LARGE1: variants seen among roughly 807,000 people sequenced by gnomAD.
The protein encoded by LARGE1 is LARGE xylosyl- and glucuronyltransferase 1, also known as xylosyl- and glucuronyltransferase LARGE1.
In LARGE1, 43 loss-of-function variants were observed where a neutral mutation model predicts 87.6. The observed-to-expected ratio is 0.49, with a 90% CI of 0.38 to 0.63. The LOEUF (loss-of-function observed/expected upper bound fraction) is 0.63, where lower values mean the gene tolerates loss of function less well. Ranked by LOEUF, LARGE1 falls within the 30% of genes least tolerant of loss-of-function variation. The probability of loss-of-function intolerance (pLI) is 0.00; values close to 1 mark genes in which losing one functional copy is unlikely to be tolerated. For synonymous variants in LARGE1, 434 were observed against 394.6 expected (o/e 1.10, Z -1.18); for missense variants, 802 against 1,000.2 (o/e 0.80, Z 2.67).
intron 5 of LARGE1, among the ~76,000 whole-genome samples, chr22:33,592,304 TTTATTA>T (rs910800361): frequency 6.6e-6 from 1 of 152,052 alleles, no homozygotes; most frequent in Non-Finnish European, 1.5e-5. Context: ...AATAGTTCAT[TTTATTA>T]TTATTATTAT....
At chr22:33,389,940 T>C (rs2065458415) in intron 7 of LARGE1, among the ~76,000 whole-genome samples, 1 of 152,160 alleles carries the variant, frequency 6.6e-6, no homozygotes, top group South Asian at 2.1e-4. Context: ...TCCTGCCATT[T>C]CACAAGATCA....
rs578115819 is a variant in LARGE1 at position 33,187,921 on chromosome 22, CAAAAAAAAAAAAAAAAAAAA to C, written c.1731-21109_1731-21090del. On this transcript the variant is annotated intron_variant, in intron 11 of 11. Coordinates refer to the LARGE1 transcript ENST00000608642. ...TGGGCAACAGAGTGAGACTCCGTCTCAAAAAAAAAAAAAAAAAAAAAAAAAAAAAAAAAAAAAAATCACTA... is the reference window on the plus strand; with the variant it reads ...TGGGCAACAGAGTGAGACTCCGTCTCAAAAAAAAAAAAAAAAAAATCACTA... 4.3e-4 allele frequency among the ~76,000 whole-genome samples: 16 copies of C among 36,902 alleles called. No individual in the cohort carries two copies. The East Asian group carries it at 7.8e-3, about 18-fold the overall frequency. The allele number at this position is 36,902 out of a possible 152,430, so 24.2% of individuals were successfully genotyped here.
At chr22:33,787,873 C>T (rs2085700501) in intron 1 of LARGE1, among the ~76,000 whole-genome samples, 1 of 152,114 alleles carries the variant, frequency 6.6e-6, no homozygotes, top group Non-Finnish European at 1.5e-5. Context: ...CCTGTGGTTC[C>T]CTGCTATTTA....
rs1442282926 is a variant in LARGE1, at chr22:33,787,063, A to T, written c.-82-25505T>A. Among the ~76,000 whole-genome samples the T allele has an allele frequency of 2.6e-5, 4 of 151,988 alleles. No homozygotes were observed. In the East Asian group the frequency reaches 7.7e-4, roughly 29 times the overall value. On this transcript the variant is annotated intron_variant, in intron 1 of 14. Transcript: ENST00000397394. ...GAAAGAAAAAGTAAGATAATGGTAC[A>T]CATGCACTGTAATAGGTCTTCCCTC...
At chr22:33,132,232 G>A in the LARGE1 span, among the ~76,000 whole-genome samples, 1 of 152,158 alleles carries the variant, frequency 6.6e-6, no homozygotes, top group African/African-American at 2.4e-5. Flanking sequence ...CACCCAGGCT[G>A]GATTGCAGTG....
chr22:33,249,988 T>C (rs780262621), intron 11 of LARGE1, among the ~76,000 whole-genome samples: 3 of 152,210 alleles, frequency 2.0e-5, no homozygotes, highest in African/African-American at 2.4e-5. Context: ...AACTTCATTT[T>C]TCTCTTTCAA....
chr22:33,364,818 AC>A (rs1177026302), intron 9 of LARGE1, among the ~76,000 whole-genome samples: 2 of 151,920 alleles, frequency 1.3e-5, no homozygotes, highest in African/African-American at 4.8e-5. Flanking sequence ...CACCGCAGCC[AC>A]CCAAGTAGCT....
At chr22:33,100,775 T>A in the LARGE1 span, among the ~76,000 whole-genome samples, 2 of 152,164 alleles carry the variant, frequency 1.3e-5, no homozygotes, top group African/African-American at 4.8e-5. Context: ...GCTCAGAGAT[T>A]GCATCTTGTT....
At chr22:33,904,370 A>G (rs5999134) in intron 1 of LARGE1, among the ~76,000 whole-genome samples, 54,368 of 152,070 alleles carry the variant, frequency 0.36, 11,590 homozygotes, top group African/African-American at 0.6. Flanking sequence ...TGGCCAGGTC[A>G]GTCTCAATCT....
At chr22:33,359,193 A>G (rs775261470) in intron 9 of LARGE1, among the ~76,000 whole-genome samples, 19 of 152,078 alleles carry the variant, frequency 1.2e-4, no homozygotes, top group Non-Finnish European at 2.5e-4. Context: ...TTTTCATTGG[A>G]AAATATTTTC....
intron 11 of LARGE1, among the ~76,000 whole-genome samples, chr22:33,195,977 C>G (rs1924055355): frequency 6.6e-6 from 1 of 151,514 alleles, no homozygotes; most frequent in African/African-American, 2.4e-5. Flanking sequence ...CCAGGATGGT[C>G]TCGATCTCCT....
At chr22:33,371,733 C>T (rs934811552) in intron 9 of LARGE1, among the ~76,000 whole-genome samples, 1 of 151,984 alleles carries the variant, frequency 6.6e-6, no homozygotes, top group Non-Finnish European at 1.5e-5. Flanking sequence ...GCCTATAATC[C>T]CAGCACTTTG....
chr22:33,170,990 G>A (rs1212606849), intron 11 of LARGE1, among the ~76,000 whole-genome samples: 4 of 152,288 alleles, frequency 2.6e-5, no homozygotes, highest in East Asian at 3.9e-4. Context: ...TGATATGGAC[G>A]ATAAAGTCCA....
the LARGE1 span, among the ~76,000 whole-genome samples, chr22:33,113,462 C>T: frequency 6.6e-6 from 1 of 152,234 alleles, no homozygotes; most frequent in Non-Finnish European, 1.5e-5. Flanking sequence ...CCGCCTTGAC[C>T]TCCCAAAGTG....
intron 11 of LARGE1, among the ~76,000 whole-genome samples, chr22:33,236,406 G>T (rs899281632): frequency 5.9e-5 from 9 of 152,114 alleles, no homozygotes; most frequent in African/African-American, 1.9e-4. Context: ...TTGTCAGCTT[G>T]GTTTCATTTT....
intron 2 of LARGE1, among the ~76,000 whole-genome samples, chr22:33,721,374 G>A (rs16992866): frequency 0.014 from 2,176 of 152,276 alleles, 49 homozygotes; most frequent in African/African-American, 0.048. Flanking sequence ...GTATTATGAC[G>A]ATTAGGTGAG....
chr22:33,226,933 G>C (rs944036601), intron 11 of LARGE1, among the ~76,000 whole-genome samples: 2 of 152,014 alleles, frequency 1.3e-5, no homozygotes, highest in African/African-American at 4.8e-5. Context: ...GTTTCACCGT[G>C]TTAGCCAAGA....
the LARGE1 span, among the ~76,000 whole-genome samples, chr22:33,107,595 T>C: frequency 8.0e-4 from 122 of 152,324 alleles, no homozygotes; most frequent in African/African-American, 2.5e-3. Context: ...TCAGGCGCAG[T>C]GGCTCATGCC....
intron 7 of LARGE1, among the ~76,000 whole-genome samples, chr22:33,387,735 T>C (rs182282253): frequency 1.3e-5 from 2 of 152,352 alleles, no homozygotes; most frequent in East Asian, 1.9e-4. Context: ...AATGCAGAGA[T>C]GCAGGATCAT....
Sources: allele counts gnomAD v4.1 joint callset (sites outside exome capture counted in the v4.1 genomes callset), GRCh38; gene constraint gnomAD v4.1.1; transcripts MANE v1.5; gene names NCBI Gene and HGNC (gene_info 2026-07-23, HGNC 2026-07-21).